Variants in SATL1 observed in about 807,000 individuals in gnomAD.
SATL1 encodes spermidine/spermine N1-acetyl transferase like 1.
SATL1 carries 47 observed loss-of-function variants against 51.8 expected under a neutral mutation model. The observed-to-expected ratio is 0.91, with a 90% CI of 0.72 to 1.16. SATL1 has a LOEUF of 1.16. SATL1 is among the 50% of genes most tolerant of loss of function. SATL1 has a pLI of 0.00. For missense variants in SATL1, 520 were observed against 526.4 expected, an observed-to-expected ratio of 0.99 and a Z score of 0.12; for synonymous variants, 176 against 182.4, an observed-to-expected ratio of 0.97 and a Z score of 0.28.
chrX:85,223,034 C>G (rs1318844415), intron 2 of SATL1, among the ~76,000 whole-genome samples: 1 of 111,921 alleles, frequency 8.9e-6, no homozygotes, highest in East Asian at 2.8e-4. Context: ...GTTGTTCGAG[C>G]TGTTTTCTGA....
chrX:85,220,003 A>C, intron 2 of SATL1, among the ~76,000 whole-genome samples: 1 of 99,123 alleles, frequency 1.0e-5, no homozygotes, highest in East Asian at 3.2e-4. Context: ...TACTGAAGAG[A>C]TAGAAAAAAA....
chrX:85,203,733 T>C (rs966803525), intron 2 of SATL1, among the ~76,000 whole-genome samples: 2 of 112,727 alleles, frequency 1.8e-5, no homozygotes, highest in Non-Finnish European at 3.8e-5. Flanking sequence ...AAGGCTGGAA[T>C]GGCTAAGGTA....
At chrX:85,143,209 G>T (rs1229011939) in intron 2 of SATL1, among the ~76,000 whole-genome samples, 1 of 112,116 alleles carries the variant, frequency 8.9e-6, no homozygotes, top group African/African-American at 3.2e-5. Flanking sequence ...CACAATTCGT[G>T]CATGTTCCAT....
chrX:85,200,313 G>T (rs1284890307), intron 2 of SATL1, among the ~76,000 whole-genome samples: 1 of 111,686 alleles, frequency 9.0e-6, no homozygotes, highest in East Asian at 2.8e-4. Flanking sequence ...CACATAGAAA[G>T]TGCTCAATAA....
intron 2 of SATL1, among the ~76,000 whole-genome samples, chrX:85,156,854 TATATATATATATATAA>T (rs1340069430): frequency 3.6e-5 from 1 of 27,805 alleles, no homozygotes; most frequent in Non-Finnish European, 7.6e-5. Context: ...TATATATATA[TATATATATATATATAA>T]AATATGTAAA....
chrX:85,133,134 G>C (rs1423868291), intron 2 of SATL1, among the ~76,000 whole-genome samples: 1 of 112,247 alleles, frequency 8.9e-6, no homozygotes, highest in African/African-American at 3.2e-5. Flanking sequence ...TGAGGAGGCA[G>C]TCTGTCCATT....
At chrX:85,174,106 TC>T (rs1927037319) in intron 2 of SATL1, among the ~76,000 whole-genome samples, 1 of 109,975 alleles carries the variant, frequency 9.1e-6, no homozygotes, top group Non-Finnish European at 1.9e-5. Context: ...CATGAACTCA[TC>T]CTTTTTTATG....
chrX:85,129,528 A>G (rs1177455731), intron 2 of SATL1, among the ~76,000 whole-genome samples: 5 of 112,021 alleles, frequency 4.5e-5, no homozygotes, highest in African/African-American at 6.5e-5. Flanking sequence ...ATTGCTTCTC[A>G]GCTTAAGGAG....
chrX:85,109,748 C>G (rs183393213), intron 2 of SATL1, among the ~76,000 whole-genome samples: 1 of 111,953 alleles, frequency 8.9e-6, no homozygotes, highest in African/African-American at 3.2e-5. Context: ...GTGACTCACG[C>G]CTGTAATCCC....
chrX:85,190,595 T>C (rs1927414808), intron 2 of SATL1, among the ~76,000 whole-genome samples: 1 of 111,190 alleles, frequency 9.0e-6, no homozygotes, highest in African/African-American at 3.3e-5. Context: ...CTTAATAAAA[T>C]AGGACTTATT....
intron 2 of SATL1, among the ~76,000 whole-genome samples, chrX:85,198,839 T>C (rs756130484): frequency 1.8e-5 from 2 of 110,164 alleles, no homozygotes; most frequent in African/African-American, 3.3e-5. Context: ...TACTAGATCT[T>C]ATTCATTCTT....
intron 2 of SATL1, among the ~76,000 whole-genome samples, chrX:85,158,282 C>T (rs1458166261): frequency 2.7e-5 from 3 of 111,627 alleles, no homozygotes; most frequent in Non-Finnish European, 5.7e-5. Context: ...CGTGAGACTA[C>T]ATATTTGCTA....
chrX:85,108,232 G>T lies in SATL1; in HGVS notation c.737C>A (p.Pro246Gln). The T allele has an allele frequency of 2.5e-6, 3 of 1,211,796 alleles. No homozygotes were observed. Among genetic ancestry groups the T allele is most frequent in the Non-Finnish European group, 3.4e-6 (3 of 895,507 alleles). ...TGATAAACTTGATTGGTTTGCGTCT[G>T]GTTGGCTCATGTCTGTTTGGTTCTT... ...SCKNQTDMSQPDANQSSLSDS... is the reference protein window; with the variant it reads ...SCKNQTDMSQQDANQSSLSDS... The change falls in exon 3 of 8, where the codon CCA becomes CAA. Residue 246 changes from proline (P) to glutamine (Q), a missense_variant. Around this residue, in one of 3 missense-constraint regions of SATL1, gnomAD observed 488 missense variants for 474.3 expected, o/e 1.03. Coordinates refer to ENST00000644105, the MANE Select transcript of SATL1 (RefSeq NM_001367857.2).
chrX:85,171,755 T>C (rs1224955397), intron 2 of SATL1, among the ~76,000 whole-genome samples: 1 of 111,715 alleles, frequency 9.0e-6, no homozygotes, highest in African/African-American at 3.2e-5. Context: ...ATTCTTTAGT[T>C]TACAAAATGA....
At position 85,147,546 on chromosome X, in the gene SATL1, C is replaced by T. The variant is rs1215757927; in HGVS notation, c.-312-38266G>A. On this transcript the variant is annotated intron_variant, in intron 2 of 7. Coordinates refer to ENST00000644105, the MANE Select transcript of SATL1 (RefSeq NM_001367857.2). Reference sequence around the variant, plus strand: ...AAGTGGGTCCCTGACCCCTGACCCCCGAGCAGCCTAACTAGGAGGCACCCC... The same window carrying T: ...AAGTGGGTCCCTGACCCCTGACCCCTGAGCAGCCTAACTAGGAGGCACCCC... Among the ~76,000 whole-genome samples the T allele has an allele frequency of 3.7e-5, 3 of 81,728 alleles. No homozygotes were observed. The Admixed American group carries it at 4.0e-4, about 11-fold the overall frequency. 71.0% of individuals were successfully genotyped at this position (81,728 alleles called of 115,157 possible).
intron 2 of SATL1, among the ~76,000 whole-genome samples, chrX:85,189,824 T>C (rs1979260411): frequency 8.9e-6 from 1 of 112,099 alleles, no homozygotes; most frequent in East Asian, 2.8e-4. Context: ...AATAAGTAAA[T>C]GCACAGAAAA....
intron 5 of SATL1, among the ~76,000 whole-genome samples, chrX:85,094,626 G>A (rs1924640658): frequency 9.0e-6 from 1 of 111,297 alleles, no homozygotes; most frequent in African/African-American, 3.3e-5. Flanking sequence ...CATGTCTGTA[G>A]TCCCAGCTAC....
chrX:85,118,087 C>CTTTTTTTTTTTTT lies in SATL1; in HGVS notation c.-312-8820_-312-8808dup, dbSNP rs747093188. 3.4e-3 allele frequency among the ~76,000 whole-genome samples: 156 copies of CTTTTTTTTTTTTT among 46,130 alleles called. 15 individuals carry two copies. The highest frequency in any genetic ancestry group is 8.5e-3 in the African/African-American group (144 of 16,975). 40.1% of individuals were successfully genotyped at this position (46,130 alleles called of 115,157 possible). A position where few individuals can be genotyped will look rare whatever the true frequency, so the allele number is the denominator to read the frequency against. On this transcript the variant is annotated intron_variant, in intron 2 of 7. Transcript: ENST00000644105. The stretch of plus-strand genomic sequence containing the variant: ...TTTTGCAAATAAAAAAAGAACTTAG[C>CTTTTTTTTTTTTT]TTTTTTTTTTTTTTTTCCAGAGTGC...
At chrX:85,165,024 T>C (rs1164192126) in intron 2 of SATL1, among the ~76,000 whole-genome samples, 1 of 111,460 alleles carries the variant, frequency 9.0e-6, no homozygotes, top group Non-Finnish European at 1.9e-5. Context: ...GCACCCGGCC[T>C]GATCTTTTTG....
Sources: allele counts gnomAD v4.1 joint callset (sites outside exome capture counted in the v4.1 genomes callset), GRCh38; gene constraint gnomAD v4.1.1; regional missense constraint gnomAD v4.1.1; transcripts MANE v1.5; gene names NCBI Gene and HGNC (gene_info 2026-07-23, HGNC 2026-07-21).